PLCXD2: variants seen among roughly 807,000 people sequenced by gnomAD.
PLCXD2 encodes phosphatidylinositol specific phospholipase C X domain containing 2, also known as PI-PLC X domain-containing protein 2.
PLCXD2 carries 21 observed loss-of-function variants against 28.6 expected under a neutral mutation model. That is an observed-to-expected ratio of 0.73 (90% CI 0.52 to 1.06). The LOEUF (loss-of-function observed/expected upper bound fraction) is 1.06. PLCXD2 is among the 50% of genes least tolerant of loss of function. The probability of loss-of-function intolerance (pLI) is 0.00; values close to 1 mark genes in which losing one functional copy is unlikely to be tolerated. For missense variants in PLCXD2, 369 were observed against 376.7 expected, an observed-to-expected ratio of 0.98 and a Z score of 0.17; for synonymous variants, 140 against 150.1, an observed-to-expected ratio of 0.93 and a Z score of 0.49.
At chr3:111,694,058 A>G (rs572522644) in intron 1 of PLCXD2, among the ~76,000 whole-genome samples, 1 of 152,362 alleles carries the variant, frequency 6.6e-6, no homozygotes, top group African/African-American at 2.4e-5. Context: ...TAGAAGTGAA[A>G]GTATACTGCA....
intron 1 of PLCXD2, among the ~76,000 whole-genome samples, chr3:111,694,458 G>A (rs1479915428): frequency 6.6e-6 from 1 of 150,906 alleles, no homozygotes; most frequent in Non-Finnish European, 1.5e-5. Context: ...TTTACTATGT[G>A]CATTGAAGAG....
chr3:111,689,884 G>C (rs1940849890), intron 1 of PLCXD2, among the ~76,000 whole-genome samples: 1 of 152,124 alleles, frequency 6.6e-6, no homozygotes, highest in Admixed American at 6.6e-5. Flanking sequence ...GATGCCTCAA[G>C]GCTTTAAGAG....
rs151300362 is a variant in PLCXD2 at position 111,706,410 on chromosome 3, A to G, written c.164-1516A>G. Among the ~76,000 whole-genome samples the G allele has an allele frequency of 1.1e-3, 170 of 152,242 alleles. 2 individuals carry two copies. The highest frequency in any genetic ancestry group is 3.6e-3 in the African/African-American group (150 of 41,536). On this transcript the variant is annotated intron_variant, in intron 1 of 4. Transcript: ENST00000477665. ...TTGTCTATTTTAGTTTTTGTTGCCT[A>G]TGTGTTTGAAGTCTTAGCTGTGAAA...
intron 1 of PLCXD2, among the ~76,000 whole-genome samples, chr3:111,690,404 G>A (rs1940857027): frequency 6.6e-6 from 1 of 152,034 alleles, no homozygotes; most frequent in Non-Finnish European, 1.5e-5. Flanking sequence ...CATCTAGGAG[G>A]CTTTTTATTG....
At chr3:111,684,479 C>T (rs998585019) in intron 1 of PLCXD2, among the ~76,000 whole-genome samples, 2 of 151,864 alleles carry the variant, frequency 1.3e-5, no homozygotes, top group Non-Finnish European at 2.9e-5. Context: ...CATGGTGAAA[C>T]CCCATCTCTA....
At chr3:111,679,595 T>C (rs1324173986) in intron 1 of PLCXD2, among the ~76,000 whole-genome samples, 1 of 152,210 alleles carries the variant, frequency 6.6e-6, no homozygotes, top group Admixed American at 6.5e-5. Context: ...ACCGCTGTTT[T>C]TCATTGTGAT....
At chr3:111,712,360 A>G (rs1397021400) in intron 2 of PLCXD2, among the ~76,000 whole-genome samples, 2 of 151,712 alleles carry the variant, frequency 1.3e-5, no homozygotes, top group Admixed American at 6.6e-5. Context: ...ACCGCCTCCC[A>G]CCTCTCCCAC....
rs530313610 is a variant in PLCXD2 at position 111,710,017 on chromosome 3, A to G, written c.624+1631A>G. On this transcript the variant is annotated intron_variant, in intron 2 of 4. Coordinates refer to ENST00000477665, the MANE Select transcript of PLCXD2 (RefSeq NM_001185106.1). The stretch of plus-strand genomic sequence containing the variant: ...TCAGATTTTGCATCTGTCAGAAGGT[A>G]GAGCCGACAGGGTTTCCTAATGGAT... 1.4e-4 allele frequency among the ~76,000 whole-genome samples: 21 copies of G among 152,334 alleles called. No homozygotes were observed. The South Asian group carries it at 3.7e-3, about 27-fold the overall frequency.
At chr3:111,718,204 C>T (rs2107872797) in intron 3 of PLCXD2, among the ~76,000 whole-genome samples, 1 of 152,254 alleles carries the variant, frequency 6.6e-6, no homozygotes, top group East Asian at 1.9e-4. Context: ...GTGGCTCACG[C>T]CTGTAATCCC....
intron 3 of PLCXD2, among the ~76,000 whole-genome samples, chr3:111,719,343 C>A (rs1225351431): frequency 6.6e-6 from 1 of 152,132 alleles, no homozygotes; most frequent in Non-Finnish European, 1.5e-5. Context: ...CAAAATATAT[C>A]TGACAGAAGA....
At chr3:111,696,747 A>T (rs145817480) in intron 1 of PLCXD2, among the ~76,000 whole-genome samples, 98 of 152,338 alleles carry the variant, frequency 6.4e-4, no homozygotes, top group African/African-American at 2.3e-3. Context: ...CTTACGATGG[A>T]CCGACCAGAT....
At chr3:111,676,549 C>T (rs79581022) in intron 1 of PLCXD2, among the ~76,000 whole-genome samples, 3,124 of 152,084 alleles carry the variant, frequency 0.021, 118 homozygotes, top group African/African-American at 0.071. Flanking sequence ...CCTCATAGGC[C>T]CCGGTTGCTT....
intron 3 of PLCXD2, among the ~76,000 whole-genome samples, chr3:111,716,869 TAAAAG>T (rs1559798684): frequency 6.6e-6 from 1 of 152,052 alleles, no homozygotes; most frequent in African/African-American, 2.4e-5. Flanking sequence ...CTGGTATCCT[TAAAAG>T]AAAAGGAAAT....
intron 3 of PLCXD2, among the ~76,000 whole-genome samples, chr3:111,716,276 G>A (rs57161413): frequency 0.13 from 19,897 of 152,176 alleles, 1,444 homozygotes; most frequent in African/African-American, 0.18. Flanking sequence ...ACAAACATAG[G>A]ACCTTCCCCT....
At chr3:111,724,153 G>T (rs906351587) in intron 3 of PLCXD2, 1 of 152,104 alleles carries the variant, frequency 6.6e-6, no homozygotes, top group African/African-American at 2.4e-5. Flanking sequence ...GAGAGAGGTC[G>T]AGATGGACTT....
intron 1 of PLCXD2, among the ~76,000 whole-genome samples, chr3:111,678,996 T>C (rs929765469): frequency 3.3e-5 from 5 of 152,166 alleles, no homozygotes; most frequent in African/African-American, 9.7e-5. Flanking sequence ...TTTTACCTCA[T>C]CAGACCCTAA....
At chr3:111,700,620 A>T (rs1048655123) in intron 1 of PLCXD2, among the ~76,000 whole-genome samples, 4 of 149,224 alleles carry the variant, frequency 2.7e-5, no homozygotes, top group African/African-American at 9.7e-5. Flanking sequence ...GAAAAAAAAA[A>T]TTTGTTGTTA....
intron 1 of PLCXD2, chr3:111,691,511 A>G (rs913683807): frequency 5.9e-5 from 9 of 152,200 alleles, no homozygotes; most frequent in African/African-American, 2.2e-4. Flanking sequence ...CTGTGTCCCT[A>G]TGTAGAAATT....
At chr3:111,683,715 A>G (rs73852858) in intron 1 of PLCXD2, among the ~76,000 whole-genome samples, 9,081 of 152,258 alleles carry the variant, frequency 0.06, 630 homozygotes, top group African/African-American at 0.17. Context: ...TCAAGCAGTT[A>G]TAACACAATA....
Sources: gnomAD v4.1 joint callset for allele counts (sites outside exome capture counted in the v4.1 genomes callset) on GRCh38, gnomAD v4.1.1 for gene constraint, MANE v1.5 for transcripts, NCBI Gene and HGNC (gene_info 2026-07-23, HGNC 2026-07-21) for gene names.